TNIP3: variants seen among roughly 807,000 people sequenced by gnomAD.
TNIP3 encodes the protein TNFAIP3 interacting protein 3.
A neutral mutation model predicts 54.1 loss-of-function variants in TNIP3; 34 were observed. The ratio of observed to expected loss-of-function variants is 0.63; its 90% CI spans 0.48 to 0.84. TNIP3 has a LOEUF of 0.84. Among genes scored for constraint, TNIP3 ranks in the 40% least tolerant of loss-of-function variants. The probability of loss-of-function intolerance (pLI) is 0.00; values close to 1 mark genes in which losing one functional copy is unlikely to be tolerated. For missense variants in TNIP3, 366 were observed against 387.6 expected (o/e 0.94, Z 0.47); for synonymous variants, 134 against 136.8 (o/e 0.98, Z 0.14).
intron 2 of TNIP3, among the ~76,000 whole-genome samples, chr4:121,213,253 G>T (rs1726575601): frequency 6.6e-6 from 1 of 152,064 alleles, no homozygotes; most frequent in African/African-American, 2.4e-5. Context: ...TTAATATTAG[G>T]TTGAATGACT....
At chr4:121,151,497 C>G (rs1040893441) in intron 5 of TNIP3, among the ~76,000 whole-genome samples, 3 of 151,888 alleles carry the variant, frequency 2.0e-5, no homozygotes, top group Non-Finnish European at 4.4e-5. Context: ...CTTTTTTCAT[C>G]CTTCAGGGAG....
chr4:121,189,446 C>T (rs892058747), intron 2 of TNIP3, among the ~76,000 whole-genome samples: 2 of 152,192 alleles, frequency 1.3e-5, no homozygotes, highest in African/African-American at 4.8e-5. Flanking sequence ...GTAAAAGATG[C>T]TAATCAAGCA....
At position 121,225,720 on chromosome 4, in the gene TNIP3, T is replaced by C. The variant is rs572430875; in HGVS notation, c.3+1665A>G. 3.3e-5 allele frequency among the ~76,000 whole-genome samples: 5 copies of C among 152,302 alleles called. No individual in the cohort carries two copies. In the South Asian group the frequency reaches 1.0e-3, roughly 32 times the overall value. On this transcript the variant is annotated intron_variant, in intron 1 of 12. Transcript: ENST00000509841. ...TTTATCCTCAGCAGGAAGTATTTAG[T>C]TGGCCAAAAACTTAGTAAGCACCTT...
intron 4 of TNIP3, among the ~76,000 whole-genome samples, chr4:121,156,638 GAAGT>G (rs1730103613): frequency 6.6e-6 from 1 of 152,198 alleles, no homozygotes; most frequent in East Asian, 1.9e-4. Flanking sequence ...TATGGTGACA[GAAGT>G]AAGACCTCAT....
intron 2 of TNIP3, among the ~76,000 whole-genome samples, chr4:121,194,450 A>G (rs1246659454): frequency 6.6e-6 from 1 of 152,212 alleles, no homozygotes. Context: ...ATTATGTAGC[A>G]GGAACTAAGA....
At chr4:121,144,766 C>G (rs1303160420) in intron 7 of TNIP3, among the ~76,000 whole-genome samples, 1 of 152,086 alleles carries the variant, frequency 6.6e-6, no homozygotes, top group East Asian at 1.9e-4. Context: ...GTTTCATTAT[C>G]TATATTTTAC....
At chr4:121,200,228 TG>T (rs1268137502) in intron 2 of TNIP3, among the ~76,000 whole-genome samples, 2 of 152,030 alleles carry the variant, frequency 1.3e-5, no homozygotes, top group Admixed American at 1.3e-4. Context: ...CTGAGAATGC[TG>T]AACAATGGGT....
At chr4:121,197,754 C>A (rs1002721144) in intron 2 of TNIP3, among the ~76,000 whole-genome samples, 2 of 152,006 alleles carry the variant, frequency 1.3e-5, no homozygotes, top group Non-Finnish European at 2.9e-5. Flanking sequence ...AGAAATCCTC[C>A]TCAAAATACA....
At chr4:121,218,041 T>G (rs751937237), upstream of TNIP3, among the ~76,000 whole-genome samples, 1 of 152,222 alleles carries the variant, frequency 6.6e-6, no homozygotes, top group Non-Finnish European at 1.5e-5. Flanking sequence ...AGTCATGATC[T>G]TCCATTGTTG....
chr4:121,146,961 A>G, intron 7 of TNIP3, 88 bp downstream of exon 7: 1 of 1,455,876 alleles, frequency 6.9e-7, no homozygotes, highest in Non-Finnish European at 9.2e-7. Flanking sequence ...TTCAATGTCA[A>G]TTAACAGAAG....
At chr4:121,148,242 G>A (rs750907138) in intron 6 of TNIP3, among the ~76,000 whole-genome samples, 2 of 152,120 alleles carry the variant, frequency 1.3e-5, no homozygotes, top group East Asian at 3.9e-4. Context: ...TGTTTCATGC[G>A]GCACTTGGTG....
At chr4:121,134,951 G>GA (rs1446330211) in intron 10 of TNIP3, among the ~76,000 whole-genome samples, 1 of 152,206 alleles carries the variant, frequency 6.6e-6, no homozygotes, top group Non-Finnish European at 1.5e-5. Context: ...TTCCCAGCCT[G>GA]AAGGCTGTCG....
intron 5 of TNIP3, 55 bp from the exon 6 acceptor site, chr4:121,150,274 T>C: frequency 9.1e-7 from 1 of 1,103,608 alleles, no homozygotes; most frequent in South Asian, 1.5e-5. Context: ...TGGAATGAAT[T>C]CTTTTATAAT....
At chr4:121,176,023 T>TATGTAA (rs1724306932) in intron 3 of TNIP3, among the ~76,000 whole-genome samples, 3 of 152,234 alleles carry the variant, frequency 2.0e-5, no homozygotes, top group Admixed American at 2.0e-4. Flanking sequence ...TCGTAATGAA[T>TATGTAA]GGAAGGAGAA....
chr4:121,214,783 A>T (rs985692773), intron 2 of TNIP3, among the ~76,000 whole-genome samples: 1 of 151,880 alleles, frequency 6.6e-6, no homozygotes, highest in Non-Finnish European at 1.5e-5. Context: ...TCCTTAAATG[A>T]CTCCTGTGAT....
intron 3 of TNIP3, among the ~76,000 whole-genome samples, chr4:121,169,770 G>T (rs2148820442): frequency 6.6e-6 from 1 of 152,286 alleles, no homozygotes; most frequent in Non-Finnish European, 1.5e-5. Context: ...TTTGAACTAG[G>T]AGAATCGGGG....
intron 1 of TNIP3, chr4:121,227,382 C>CACCATGTTCTA: frequency 6.5e-7 from 1 of 1,535,348 alleles, no homozygotes; most frequent in Non-Finnish European, 8.7e-7. Flanking sequence ...TTATGTTACT[C>CACCATGTTCTA]ACCATGTTCT....
At chr4:121,164,752 T>C (rs1047957951), upstream of TNIP3, among the ~76,000 whole-genome samples, 1 of 152,198 alleles carries the variant, frequency 6.6e-6, no homozygotes, top group Non-Finnish European at 1.5e-5. Flanking sequence ...AAATAATTCA[T>C]TGTAAAGAAA....
chr4:121,147,051 G>A lies in TNIP3; in HGVS notation c.733C>T (p.Gln245Ter), dbSNP rs1482141265. 1 of 1,609,164 alleles carries A rather than the reference G, an allele frequency of 6.2e-7. No homozygotes were observed. The highest frequency in any genetic ancestry group is 1.1e-5 in the South Asian group (1 of 89,904). The change falls in exon 7 of 11, where the codon CAG becomes TAG. Residue 245 changes from glutamine to a stop codon, truncating the protein, a stop_gained and splice_region_variant. Transcript: ENST00000057513. LOFTEE classifies it high-confidence loss of function. The part of the protein sequence containing the change: ...SQSQLNRLNS[Q>*]IKACQMEKEK... ...GATTATTTTGTTTTGACTTGTACCT[G>A]GGAATTCAGCCTGTTCAACTGGGAT...
Sources: allele counts gnomAD v4.1 joint callset (sites outside exome capture counted in the v4.1 genomes callset), GRCh38; gene constraint gnomAD v4.1.1; transcripts MANE v1.5; gene names NCBI Gene and HGNC (gene_info 2026-07-23, HGNC 2026-07-21).